Variants in ALDH1L2 observed in about 807,000 individuals in gnomAD.
ALDH1L2 encodes aldehyde dehydrogenase 1 family member L2.
In ALDH1L2, 91 loss-of-function variants were observed where a neutral mutation model predicts 111.0. The ratio of observed to expected loss-of-function variants is 0.82; its 90% CI spans 0.69 to 0.98. The LOEUF is 0.98. Among genes scored for constraint, ALDH1L2 ranks in the 50% least tolerant of loss-of-function variants. ALDH1L2 has a pLI of 0.00. For missense variants in ALDH1L2, 995 were observed against 1,126.8 expected, an observed-to-expected ratio of 0.88 and a Z score of 1.67; for synonymous variants, 374 against 392.6, an observed-to-expected ratio of 0.95 and a Z score of 0.56.
chr12:105,079,152 G>C (rs1878216372), intron 1 of ALDH1L2, among the ~76,000 whole-genome samples: 1 of 152,198 alleles, frequency 6.6e-6, no homozygotes, highest in Non-Finnish European at 1.5e-5. Context: ...GAATGGAGCA[G>C]AGCGTGAAAA....
rs1176103961 is a variant in ALDH1L2 at position 105,047,103 on chromosome 12, A to G, written c.1687-134T>C. 3.3e-6 allele frequency: 3 copies of G among 899,994 alleles called. No individual in the cohort carries two copies. In the African/African-American group the frequency reaches 5.1e-5, roughly 15 times the overall value. 55.8% of individuals were successfully genotyped at this position (899,994 alleles called of 1,614,324 possible). On this transcript the variant is annotated intron_variant, in intron 13 of 22. Coordinates refer to ENST00000258494, the MANE Select transcript of ALDH1L2 (RefSeq NM_001034173.4). ...AAAAGAGCGTTTGTTGATAAGAACT[A>G]TATTCATGCCAAAGAAGGAACAGCT...
intron 13 of ALDH1L2, 81 bp from the exon 14 acceptor site, chr12:105,047,050 C>A: frequency 6.8e-7 from 1 of 1,480,052 alleles, no homozygotes; most frequent in East Asian, 2.3e-5. Flanking sequence ...TTTCTGTCTT[C>A]CTCTCTTACT....
rs767132178 is a variant in ALDH1L2, at chr12:105,052,922, C to T, written c.1297G>A (p.Glu433Lys). ...ATTTTTACCATGATTTCATTGACCTCCTTTGAAATCTGAGAGAAGTATATT... is the reference window on the plus strand; with the variant it reads ...ATTTTTACCATGATTTCATTGACCTTCTTTGAAATCTGAGAGAAGTATATT... Reference protein sequence around the residue: ...VELVVDYISKEVNEIMVKMPY... With the variant: ...VELVVDYISKKVNEIMVKMPY... The change falls in exon 11 of 23, where the codon GAG (glutamate) becomes AAG (lysine). Residue 433 changes from glutamate to lysine, a missense_variant. By Grantham distance (56) the Glu-to-Lys change is moderately conservative (BLOSUM62 1). Coordinates refer to ENST00000258494, the MANE Select transcript of ALDH1L2 (RefSeq NM_001034173.4). 4.3e-6 allele frequency: 7 copies of T among 1,613,540 alleles called. No homozygotes were observed. The highest frequency in any genetic ancestry group is 1.7e-5 in the Admixed American group (1 of 60,002).
rs200155435 is a variant in ALDH1L2 at position 105,061,747 on chromosome 12, C to G, written c.927G>C (p.Thr309=). ...VLFGNDGKAL[T]VRNLQFEDGK... Reference sequence around the variant, plus strand: ...CATCTTCAAACTGCAGATTTCTCACCGTCAGCTACAAAATAGCAACAAAAC... The same window carrying G: ...CATCTTCAAACTGCAGATTTCTCACGGTCAGCTACAAAATAGCAACAAAAC... Residue 309 remains threonine, a synonymous_variant, in exon 8 of 23, where the codon ACG becomes ACC. Coordinates refer to ENST00000258494, the MANE Select transcript of ALDH1L2 (RefSeq NM_001034173.4). 1.2e-6 allele frequency: 2 copies of G among 1,613,940 alleles called. No homozygotes were observed. The highest frequency in any genetic ancestry group is 1.3e-5 in the African/African-American group (1 of 74,984).
chr12:105,061,580 T>C, intron 8 of ALDH1L2, 47 bp downstream of exon 8: 1 of 1,607,788 alleles, frequency 6.2e-7, no homozygotes, highest in Non-Finnish European at 8.5e-7. Flanking sequence ...ACGAACATGC[T>C]TCAGTTTTCC....
chr12:105,072,179 ATT>A (rs1309860408), intron 2 of ALDH1L2, among the ~76,000 whole-genome samples: 2 of 148,118 alleles, frequency 1.4e-5, no homozygotes, highest in Non-Finnish European at 3.0e-5. Flanking sequence ...TATGATATCT[ATT>A]AATATCCTAT....
Position 105,049,937 on chromosome 12 carries a change from A to ATC in ALDH1L2, c.1655_1656dup (p.Tyr553AspfsTer26), listed in dbSNP as rs1565959205. On this transcript the variant is annotated frameshift_variant, in exon 13 of 23. Coordinates refer to ENST00000258494, the MANE Select transcript of ALDH1L2 (RefSeq NM_001034173.4). LOFTEE classifies it high-confidence loss of function. Reference sequence around the variant, plus strand: ...ATTTTGTCGCACCAGCCAGCAAAATATCTGAATGTTTGCACAGACATTCCA... The same window carrying ATC: ...ATTTTGTCGCACCAGCCAGCAAAATATCTCTGAATGTTTGCACAGACATTCCA... The ATC allele has an allele frequency of 6.2e-7, 1 of 1,611,764 alleles. No homozygotes were observed. Among genetic ancestry groups the ATC allele is most frequent in the African/African-American group, 1.3e-5 (1 of 74,870 alleles).
chr12:105,050,165 T>G, intron 12 of ALDH1L2, 107 bp from the exon 13 acceptor site: 4 of 1,107,032 alleles, frequency 3.6e-6, no homozygotes, highest in Non-Finnish European at 4.9e-6. Flanking sequence ...CACATATGGA[T>G]CAGATCTCTG....
intron 1 of ALDH1L2, among the ~76,000 whole-genome samples, chr12:105,077,165 G>A (rs536448528): frequency 2.3e-4 from 35 of 152,282 alleles, no homozygotes; most frequent in African/African-American, 5.8e-4. Context: ...TTCTTTAACC[G>A]GCTCTCACTA....
chr12:105,031,985 A>T, intron 19 of ALDH1L2, 51 bp from the exon 20 acceptor site: 1 of 1,581,834 alleles, frequency 6.3e-7, no homozygotes, highest in Non-Finnish European at 8.6e-7. Flanking sequence ...ATAATAATGG[A>T]GTTTCTACCA....
intron 16 of ALDH1L2, 103 bp downstream of exon 16, chr12:105,040,504 A>T: frequency 1.9e-6 from 2 of 1,039,496 alleles, no homozygotes; most frequent in Non-Finnish European, 3.0e-6. Context: ...ATTTAGTTTT[A>T]ATACAGTTAT....
chr12:105,025,204 C>G, intron 22 of ALDH1L2, among the ~76,000 whole-genome samples: 1 of 152,142 alleles, frequency 6.6e-6, no homozygotes, highest in Admixed American at 6.6e-5. Context: ...ACTTTGTCCG[C>G]ATGTTAGAAT....
In ALDH1L2 at chr12:105,070,611, T is replaced by C. The variant is rs919868831; in HGVS notation, c.387A>G (p.Pro129=). The C allele has an allele frequency of 3.7e-6, 6 of 1,613,972 alleles. No homozygotes were observed. The highest frequency in any genetic ancestry group is 5.1e-6 in the Non-Finnish European group (6 of 1,179,972). The change falls in exon 3 of 23, where the codon CCA becomes CCG. Residue 129 remains proline (P), a synonymous_variant. Transcript: ENST00000258494. ...SPKHGSIIYH[P]SILPRHRGAS... is the part of the protein sequence containing the mutation. ...CTCCTCTGTGCCTGGGCAGGATGGA[T>C]GGGTGATAAATGATAGAGCCGTGCT... is the stretch of plus-strand genomic sequence containing the variant.
chr12:105,081,525 C>G (rs1878337444), intron 1 of ALDH1L2, among the ~76,000 whole-genome samples: 1 of 152,148 alleles, frequency 6.6e-6, no homozygotes, highest in Non-Finnish European at 1.5e-5. Context: ...AGACCTGACC[C>G]AGACACTGGC....
At chr12:105,052,675 A>C in intron 11 of ALDH1L2, 137 bp downstream of exon 11, 1 of 1,037,496 alleles carries the variant, frequency 9.6e-7, no homozygotes, top group African/African-American at 1.6e-5. Flanking sequence ...AAAGAAAAGC[A>C]TGAAGTACAT....
At position 105,055,587 on chromosome 12, in the gene ALDH1L2, A is replaced by G. The variant is rs557186522; in HGVS notation, c.1287+2486T>C. 2.6e-5 allele frequency among the ~76,000 whole-genome samples: 4 copies of G among 152,316 alleles called. No individual in the cohort carries two copies. The East Asian group carries it at 7.7e-4, about 29-fold the overall frequency. The stretch of plus-strand genomic sequence containing the variant: ...GAAAAAAAAGCAGCTAATAGAAACC[A>G]TCCCTAGAGAAGCCTAGACATTGGA... On this transcript the variant is annotated intron_variant, in intron 10 of 22. Transcript: ENST00000258494.
chr12:105,041,294 A>G (rs1164176393), intron 15 of ALDH1L2, among the ~76,000 whole-genome samples: 1 of 152,244 alleles, frequency 6.6e-6, no homozygotes, highest in Admixed American at 6.5e-5. Context: ...TTTGAAGAGT[A>G]CAGGCCAGTT....
intron 13 of ALDH1L2, 155 bp downstream of exon 13, chr12:105,049,752 CA>C (rs962133508): frequency 1.3e-6 from 1 of 765,554 alleles, no homozygotes; most frequent in African/African-American, 1.8e-5. Flanking sequence ...TACCTAGTCT[CA>C]GGTATTCTGT....
intron 1 of ALDH1L2, among the ~76,000 whole-genome samples, chr12:105,079,034 G>A (rs1403323130): frequency 6.6e-6 from 1 of 152,202 alleles, no homozygotes; most frequent in Admixed American, 6.5e-5. Flanking sequence ...GCCGCTTTAA[G>A]CAGGAGAGTT....
Sources: gnomAD v4.1 joint callset for allele counts (sites outside exome capture counted in the v4.1 genomes callset) on GRCh38, gnomAD v4.1.1 for gene constraint, MANE v1.5 for transcripts, NCBI Gene and HGNC (gene_info 2026-07-23, HGNC 2026-07-21) for gene names.